The following PCOLCE2 variants were observed in gnomAD, a reference collection of about 807,000 sequenced individuals.
PCOLCE2 encodes procollagen C-endopeptidase enhancer 2.
A neutral mutation model predicts 47.0 loss-of-function variants in PCOLCE2; 42 were observed. That is an observed-to-expected ratio of 0.89 (90% CI 0.70 to 1.16). PCOLCE2 has a LOEUF of 1.16. Ranked by LOEUF, PCOLCE2 falls within the 50% of genes most tolerant of loss-of-function variation. The pLI is 0.00. For missense variants in PCOLCE2, 500 were observed against 526.1 expected, an observed-to-expected ratio of 0.95 and a Z score of 0.49; for synonymous variants, 169 against 191.7, an observed-to-expected ratio of 0.88 and a Z score of 0.98.
chr3:142,836,404 C>T (rs1220591992), intron 5 of PCOLCE2, among the ~76,000 whole-genome samples: 1 of 152,196 alleles, frequency 6.6e-6, no homozygotes. Flanking sequence ...GAATGAAGTG[C>T]TAGGCTTCCA....
intron 4 of PCOLCE2, among the ~76,000 whole-genome samples, chr3:142,839,850 G>A (rs771304215): frequency 1.2e-4 from 19 of 152,198 alleles, no homozygotes; most frequent in Non-Finnish European, 2.1e-4. Context: ...AAACAAGATT[G>A]TAATTGGATA....
At chr3:142,860,716 G>A (rs1052235805) in intron 2 of PCOLCE2, among the ~76,000 whole-genome samples, 1 of 152,186 alleles carries the variant, frequency 6.6e-6, no homozygotes, top group Non-Finnish European at 1.5e-5. Flanking sequence ...CCCATGCCTT[G>A]TTCTTTAAGT....
chr3:142,861,703 CT>C (rs1233138579), intron 2 of PCOLCE2, among the ~76,000 whole-genome samples: 2 of 152,166 alleles, frequency 1.3e-5, no homozygotes, highest in African/African-American at 4.8e-5. Flanking sequence ...TGGGCTCTGC[CT>C]TTTCATGTAA....
At chr3:142,863,096 C>CAAAAAAAAAAAAAAAA (rs35383176) in intron 2 of PCOLCE2, among the ~76,000 whole-genome samples, 3 of 85,992 alleles carry the variant, frequency 3.5e-5, no homozygotes, top group Non-Finnish European at 2.2e-5. Flanking sequence ...GTCTGGCAGG[C>CAAAAAAAAAAAAAAAA]AAAAAAAAAA....
At position 142,818,428 on chromosome 3, in the gene PCOLCE2, A is replaced by T. The variant is rs748767628; in HGVS notation, c.1155T>A (p.Asp385Glu). ...TGTTTGGCATGATTTTGCCTCGCCC[A>T]TCTTCACCTACTTGGCCCATAATAA... ...NYIIMGQVGE[D>E]GRGKIMPNSF... Residue 385 changes from aspartate to glutamate, a missense_variant, in exon 9 of 9, where the codon GAT (aspartate) becomes GAA (glutamate). By Grantham distance (45) the Asp-to-Glu change is conservative (BLOSUM62 2). Coordinates refer to ENST00000295992, the MANE Select transcript of PCOLCE2 (RefSeq NM_013363.4). 2 of 1,613,008 alleles carry T rather than the reference A, an allele frequency of 1.2e-6. No homozygotes were observed. Among genetic ancestry groups the T allele is most frequent in the East Asian group, 4.5e-5 (2 of 44,866 alleles).
chr3:142,824,362 A>C (rs1362572653), intron 6 of PCOLCE2, among the ~76,000 whole-genome samples: 1 of 152,148 alleles, frequency 6.6e-6, no homozygotes, highest in Non-Finnish European at 1.5e-5. Context: ...CCACAGAAAA[A>C]AGGACAGTCC....
At chr3:142,824,542 C>A (rs1292345853) in intron 6 of PCOLCE2, among the ~76,000 whole-genome samples, 1 of 152,180 alleles carries the variant, frequency 6.6e-6, no homozygotes, top group Admixed American at 6.5e-5. Context: ...CTAAACAGAA[C>A]CACGGTAACA....
intron 2 of PCOLCE2, among the ~76,000 whole-genome samples, chr3:142,859,401 A>T (rs965355302): frequency 2.0e-5 from 3 of 151,674 alleles, no homozygotes; most frequent in South Asian, 4.2e-4. Context: ...ATATATATAT[A>T]TTTTCAAAAA....
intron 2 of PCOLCE2, among the ~76,000 whole-genome samples, chr3:142,859,238 T>A (rs1455838784): frequency 6.6e-6 from 1 of 151,952 alleles, no homozygotes; most frequent in African/African-American, 2.4e-5. Context: ...AATTTTTGTA[T>A]TTTTAGTGGA....
At chr3:142,839,046 G>T in intron 4 of PCOLCE2, 140 bp from the exon 5 acceptor site, 2 of 569,632 alleles carry the variant, frequency 3.5e-6, no homozygotes, top group Admixed American at 3.4e-5. Flanking sequence ...GCTTTTTGTT[G>T]CATATTTCTT....
At chr3:142,825,701 C>T (rs1937069316) in intron 6 of PCOLCE2, among the ~76,000 whole-genome samples, 1 of 152,182 alleles carries the variant, frequency 6.6e-6, no homozygotes, top group Non-Finnish European at 1.5e-5. Context: ...AACCCGTCAG[C>T]CCTGGCCTGT....
chr3:142,881,489 A>G (rs1432756514), intron 2 of PCOLCE2, among the ~76,000 whole-genome samples: 2 of 152,200 alleles, frequency 1.3e-5, no homozygotes, highest in African/African-American at 2.4e-5. Flanking sequence ...ATTCTGAAAA[A>G]TGCATCATTA....
intron 3 of PCOLCE2, among the ~76,000 whole-genome samples, chr3:142,847,026 A>C (rs550197557): frequency 6.6e-6 from 1 of 152,368 alleles, no homozygotes; most frequent in East Asian, 1.9e-4. Context: ...ACATAACTAC[A>C]GACTGGACAT....
chr3:142,885,567 T>C (rs928386990), intron 2 of PCOLCE2, among the ~76,000 whole-genome samples: 2 of 152,220 alleles, frequency 1.3e-5, no homozygotes, highest in Admixed American at 6.5e-5. Flanking sequence ...TGTATCCTTC[T>C]AGCTGGTGCC....
intron 2 of PCOLCE2, among the ~76,000 whole-genome samples, chr3:142,884,263 A>T (rs1242019614): frequency 6.6e-6 from 1 of 152,190 alleles, no homozygotes. Flanking sequence ...GGCTTAATAC[A>T]GGTGGGAGTT....
At chr3:142,851,701 A>T (rs1208186137) in intron 2 of PCOLCE2, among the ~76,000 whole-genome samples, 2 of 152,174 alleles carry the variant, frequency 1.3e-5, no homozygotes, top group Non-Finnish European at 2.9e-5. Context: ...GACAAGGAAG[A>T]GTGTTGAAGA....
intron 2 of PCOLCE2, among the ~76,000 whole-genome samples, chr3:142,850,860 T>A (rs904174656): frequency 6.6e-6 from 1 of 152,168 alleles, no homozygotes; most frequent in Non-Finnish European, 1.5e-5. Flanking sequence ...GGGTGTTTCC[T>A]AAGGCATGTT....
chr3:142,885,401 A>G (rs1029418407), intron 2 of PCOLCE2, among the ~76,000 whole-genome samples: 3 of 152,186 alleles, frequency 2.0e-5, no homozygotes, highest in African/African-American at 7.2e-5. Context: ...GAATCACTCA[A>G]TGGGAACACT....
chr3:142,857,867 G>A (rs776449224), intron 2 of PCOLCE2, among the ~76,000 whole-genome samples: 17 of 152,192 alleles, frequency 1.1e-4, no homozygotes, highest in Non-Finnish European at 1.9e-4. Flanking sequence ...ATAGGGTACT[G>A]GGCCCACCCC....
Sources: allele counts gnomAD v4.1 joint callset (sites outside exome capture counted in the v4.1 genomes callset), GRCh38; gene constraint gnomAD v4.1.1; transcripts MANE v1.5; gene names NCBI Gene and HGNC (gene_info 2026-07-23, HGNC 2026-07-21).